REXO5: variants seen among roughly 807,000 people sequenced by gnomAD.
The protein encoded by REXO5 is RNA exonuclease 5.
Under a neutral mutation model 88.5 loss-of-function variants are expected in REXO5, and 48 were observed. That is an observed-to-expected ratio of 0.54 (90% CI 0.43 to 0.69). REXO5 has a LOEUF of 0.69. REXO5 is among the 30% of genes least tolerant of loss of function. The probability of loss-of-function intolerance (pLI) is 0.00; values close to 1 mark genes in which losing one functional copy is unlikely to be tolerated. For missense variants in REXO5, 749 were observed against 912.2 expected (o/e 0.82, Z 2.30); for synonymous variants, 311 against 336.5 (o/e 0.92, Z 0.83).
chr16:20,830,916 TA>T lies in REXO5; in HGVS notation c.1159-1237del, dbSNP rs1439009005. Reference sequence around the variant, plus strand: ...AACATTTACCATATTAGAAATTAAATAAATTTTTAATATTAGTTTAAGATAA... The same window carrying T: ...AACATTTACCATATTAGAAATTAAATAATTTTTAATATTAGTTTAAGATAA... On this transcript the variant is annotated intron_variant, in intron 11 of 19. Coordinates refer to ENST00000261377, the MANE Select transcript of REXO5 (RefSeq NM_030941.3). Among the ~76,000 whole-genome samples, 10 of 151,690 alleles carry T rather than the reference TA, an allele frequency of 6.6e-5. No homozygotes were observed. In the East Asian group the frequency reaches 1.7e-3, roughly 26 times the overall value.
chr16:20,826,463 C>G (rs1279596675), intron 8 of REXO5, among the ~76,000 whole-genome samples: 2 of 152,214 alleles, frequency 1.3e-5, no homozygotes, highest in Admixed American at 1.3e-4. Context: ...CATTACTGTT[C>G]CCATCCGTTG....
In REXO5 at chr16:20,813,251, G is replaced by C. The variant is rs185342642; in HGVS notation, c.200G>C (p.Cys67Ser). ...DNCEVTHDQL[C>S]ELLKYAVLGK... ...TGTGAAGTAACCCATGACCAGCTGT[G>C]TGAATTGCTGAAGTATGCAGTTCTG... Residue 67 changes from cysteine (C) to serine (S), a missense_variant, in exon 3 of 20, where the codon TGT (cysteine) becomes TCT (serine). Transcript: ENST00000261377. 7 of 1,613,806 alleles carry C rather than the reference G, an allele frequency of 4.3e-6. No homozygotes were observed. In the Admixed American group the frequency reaches 1.2e-4, roughly 27 times the overall value.
chr16:20,838,103 G>A (rs188356930), intron 13 of REXO5, among the ~76,000 whole-genome samples: 6 of 151,944 alleles, frequency 3.9e-5, no homozygotes, highest in Non-Finnish European at 8.8e-5. Flanking sequence ...GATTAATATG[G>A]TCTACTATTT....
chr16:20,846,716 T>C (rs769518275), intron 19 of REXO5, among the ~76,000 whole-genome samples: 5 of 152,156 alleles, frequency 3.3e-5, no homozygotes, highest in Non-Finnish European at 5.9e-5. Flanking sequence ...TTCTGTACCC[T>C]TTTCCCCATT....
At position 20,833,096 on chromosome 16, in the gene REXO5, A is replaced by G; in HGVS notation, c.1356A>G (p.Gln452=). The G allele has an allele frequency of 1.2e-6, 2 of 1,613,616 alleles. No individual in the cohort carries two copies. The highest frequency in any genetic ancestry group is 1.1e-5 in the South Asian group (1 of 91,032). The change falls in exon 13 of 20, where the codon CAA becomes CAG. Residue 452 remains glutamine (Q), a synonymous_variant. Coordinates refer to ENST00000261377, the MANE Select transcript of REXO5 (RefSeq NM_030941.3). ...AGELPSSRNC[Q]TIKCLSNKEV... ...AACTTCCATCTTCCAGAAATTGTCA[A>G]ACTATTAAGTGTCTTTCAAATAAAG...
At chr16:20,829,178 A>G (rs1348344159) in intron 11 of REXO5, among the ~76,000 whole-genome samples, 1 of 152,210 alleles carries the variant, frequency 6.6e-6, no homozygotes, top group African/African-American at 2.4e-5. Context: ...TGGATCTATA[A>G]TATGGGAATA....
At chr16:20,826,272 ATCTGCAAG>A (rs1255817576) in intron 8 of REXO5, among the ~76,000 whole-genome samples, 1 of 152,192 alleles carries the variant, frequency 6.6e-6, no homozygotes, top group African/African-American at 2.4e-5. Flanking sequence ...TCATCTGAAA[ATCTGCAAG>A]TCATCATTTG....
At chr16:20,844,571 C>A in intron 16 of REXO5, 58 bp from the exon 17 acceptor site, 1 of 1,476,814 alleles carries the variant, frequency 6.8e-7, no homozygotes, top group Non-Finnish European at 9.4e-7. Context: ...TGCTAGTATC[C>A]AATAGGCCTG....
intron 6 of REXO5, 137 bp downstream of exon 6, chr16:20,822,039 A>C (rs769582020): frequency 8.6e-5 from 75 of 875,924 alleles, no homozygotes; most frequent in South Asian, 5.5e-4. Flanking sequence ...TTAATGAGGA[A>C]ATATCTTCGG....
chr16:20,814,843 G>T, intron 3 of REXO5, 84 bp from the exon 4 acceptor site: 4 of 1,351,204 alleles, frequency 3.0e-6, no homozygotes, highest in Non-Finnish European at 4.0e-6. Flanking sequence ...CTTTTCCTGC[G>T]CCTTCTCCCC....
At chr16:20,813,734 A>G (rs1175513178) in intron 3 of REXO5, among the ~76,000 whole-genome samples, 1 of 152,160 alleles carries the variant, frequency 6.6e-6, no homozygotes, top group Non-Finnish European at 1.5e-5. Context: ...GAAGAATTCC[A>G]GTTAATCTTT....
At position 20,825,963 on chromosome 16, in the gene REXO5, G is replaced by A. The variant is rs1416786696; in HGVS notation, c.821+15G>A. Reference sequence around the variant, plus strand: ...TACCTCACCAGGTATTTTTCACCTTGCCTGCAGCTCTTCTAAGAGCTATCG... The same window carrying A: ...TACCTCACCAGGTATTTTTCACCTTACCTGCAGCTCTTCTAAGAGCTATCG... On this transcript the variant is annotated intron_variant, in intron 8 of 19. Coordinates refer to ENST00000261377, the MANE Select transcript of REXO5 (RefSeq NM_030941.3). The A allele has an allele frequency of 1.3e-6, 2 of 1,537,754 alleles. No individual in the cohort carries two copies. The highest frequency in any genetic ancestry group is 1.8e-6 in the Non-Finnish European group (2 of 1,112,862).
intron 5 of REXO5, among the ~76,000 whole-genome samples, 158 bp from the exon 6 acceptor site, chr16:20,821,604 C>T (rs1055257785): frequency 6.6e-6 from 1 of 152,154 alleles, no homozygotes; most frequent in Non-Finnish European, 1.5e-5. Context: ...TTTCTGTGTT[C>T]TTATAATTGT....
At chr16:20,834,497 A>G (rs1394407875) in intron 13 of REXO5, among the ~76,000 whole-genome samples, 2 of 152,116 alleles carry the variant, frequency 1.3e-5, no homozygotes, top group South Asian at 2.1e-4. Context: ...CGGGTTTATC[A>G]TTTTTATCAA....
intron 19 of REXO5, among the ~76,000 whole-genome samples, chr16:20,849,137 T>C (rs1304998872): frequency 2.0e-5 from 3 of 152,254 alleles, no homozygotes; most frequent in African/African-American, 7.2e-5. Flanking sequence ...CCCTGTGAGA[T>C]AGTAATTTAA....
chr16:20,840,020 C>CA (rs1359954284), intron 14 of REXO5, 161 bp downstream of exon 14: 1 of 593,224 alleles, frequency 1.7e-6, no homozygotes, highest in Admixed American at 3.1e-5. Context: ...AAATGGGAAT[C>CA]AGACTATGCA....
At chr16:20,832,092 G>A (rs1490802382) in intron 11 of REXO5, 64 bp from the exon 12 acceptor site, 2 of 1,088,242 alleles carry the variant, frequency 1.8e-6, no homozygotes, top group Non-Finnish European at 2.7e-6. Context: ...TTTTTGTTTT[G>A]TATTTATTTG....
intron 4 of REXO5, 124 bp downstream of exon 4, chr16:20,815,177 A>C: frequency 9.4e-7 from 1 of 1,064,694 alleles, no homozygotes; most frequent in Non-Finnish European, 1.3e-6. Flanking sequence ...ATAGAAAGCA[A>C]AAAGACCTTA....
At chr16:20,835,317 T>C (rs960469148) in intron 13 of REXO5, among the ~76,000 whole-genome samples, 2 of 152,164 alleles carry the variant, frequency 1.3e-5, no homozygotes, top group African/African-American at 2.4e-5. Flanking sequence ...CTTTTAAGGT[T>C]TGTTAGGTGA....
Sources: gnomAD v4.1 joint callset for allele counts (sites outside exome capture counted in the v4.1 genomes callset) on GRCh38, gnomAD v4.1.1 for gene constraint, MANE v1.5 for transcripts, NCBI Gene and HGNC (gene_info 2026-07-23, HGNC 2026-07-21) for gene names.